JMJD1C: variants seen among roughly 807,000 people sequenced by gnomAD.
JMJD1C encodes the protein jumonji domain containing 1C.
JMJD1C carries 31 observed loss-of-function variants against 245.3 expected under a neutral mutation model. That is an observed-to-expected ratio of 0.13 (90% CI 0.09 to 0.17). The LOEUF (loss-of-function observed/expected upper bound fraction) is 0.17, where lower values mean the gene tolerates loss of function less well. Ranked by LOEUF, JMJD1C falls within the 10% of genes least tolerant of loss-of-function variation. The probability of loss-of-function intolerance (pLI) is 1.00; values close to 1 mark genes in which losing one functional copy is unlikely to be tolerated. For synonymous variants in JMJD1C, 1,057 were observed against 1,017.4 expected (o/e 1.04, Z -0.74); for missense variants, 2,691 against 3,000.2 (o/e 0.90, Z 2.41).
intron 1 of JMJD1C, among the ~76,000 whole-genome samples, chr10:63,403,945 C>A (rs1177294540): frequency 6.7e-6 from 1 of 148,480 alleles, no homozygotes; most frequent in South Asian, 2.1e-4. Context: ...TCAAAAAAAA[C>A]AACAACAAAA....
chr10:63,448,216 G>T (rs968365452), intron 1 of JMJD1C, among the ~76,000 whole-genome samples: 1 of 152,128 alleles, frequency 6.6e-6, no homozygotes, highest in African/African-American at 2.4e-5. Flanking sequence ...GAGTGTAGCG[G>T]TACAATCTCC....
chr10:63,443,237 C>T (rs1202743267), intron 1 of JMJD1C, among the ~76,000 whole-genome samples: 2 of 152,246 alleles, frequency 1.3e-5, no homozygotes, highest in Non-Finnish European at 2.9e-5. Context: ...CCAGCTTCCA[C>T]ACCCTCTCTC....
intron 3 of JMJD1C, among the ~76,000 whole-genome samples, chr10:63,243,022 T>A (rs2133527485): frequency 6.6e-6 from 1 of 150,408 alleles, no homozygotes; most frequent in South Asian, 2.1e-4. Flanking sequence ...AGATGGACTG[T>A]TGTTCTATTG....
chr10:63,458,192 T>C (rs1277051657), intron 1 of JMJD1C, among the ~76,000 whole-genome samples: 2 of 152,248 alleles, frequency 1.3e-5, no homozygotes, highest in South Asian at 2.1e-4. Flanking sequence ...TTATATCTAA[T>C]AAAAGTGTGA....
chr10:63,297,617 T>C (rs1194615061), intron 2 of JMJD1C, among the ~76,000 whole-genome samples: 1 of 152,042 alleles, frequency 6.6e-6, no homozygotes, highest in Admixed American at 6.6e-5. Flanking sequence ...TGAAGAGTGG[T>C]GAACTTTCTG....
chr10:63,175,822 G>GT (rs1842818458), intron 24 of JMJD1C, among the ~76,000 whole-genome samples: 1 of 151,814 alleles, frequency 6.6e-6, no homozygotes, highest in Non-Finnish European at 1.5e-5. Flanking sequence ...GAAAAATTAG[G>GT]TATTTTAAAC....
intron 5 of JMJD1C, among the ~76,000 whole-genome samples, 196 bp from the exon 6 acceptor site, chr10:63,215,892 C>A (rs979423337): frequency 6.6e-6 from 1 of 152,170 alleles, no homozygotes; most frequent in African/African-American, 2.4e-5. Flanking sequence ...ACCATTTCAA[C>A]TGCTAACCAA....
rs1442034186 is a variant in JMJD1C, at chr10:63,424,423, A to G, written c.168+41072T>C. Among the ~76,000 whole-genome samples, 7 of 151,422 alleles carry G rather than the reference A, an allele frequency of 4.6e-5. 1 individual carries two copies. The East Asian group carries it at 7.8e-4, about 17-fold the overall frequency. On this transcript the variant is annotated intron_variant, in intron 1 of 25. Transcript: ENST00000399262. Reference sequence around the variant, plus strand: ...TTCTTCATATAAAACTATTGTTTATATGGAAAAATCAGTGTTGTTTTAAAG... The same window carrying G: ...TTCTTCATATAAAACTATTGTTTATGTGGAAAAATCAGTGTTGTTTTAAAG...
At chr10:63,476,072 T>C (rs1391524788) in intron 1 of JMJD1C, among the ~76,000 whole-genome samples, 1 of 151,740 alleles carries the variant, frequency 6.6e-6, no homozygotes, top group Non-Finnish European at 1.5e-5. Context: ...TAGCCAGGCA[T>C]GGTGGCAGGT....
intron 3 of JMJD1C, among the ~76,000 whole-genome samples, chr10:63,263,065 C>G (rs1194540607): frequency 2.0e-5 from 3 of 152,136 alleles, no homozygotes; most frequent in Non-Finnish European, 4.4e-5. Flanking sequence ...CTCTAACTCC[C>G]TCTAACTGAC....
chr10:63,329,786 C>T (rs1296297745), intron 2 of JMJD1C, among the ~76,000 whole-genome samples: 1 of 152,204 alleles, frequency 6.6e-6, no homozygotes. Flanking sequence ...AGCAGTAAGC[C>T]ACAGCTCCCC....
At chr10:63,305,521 CTCT>C (rs1938034613) in intron 2 of JMJD1C, among the ~76,000 whole-genome samples, 1 of 150,582 alleles carries the variant, frequency 6.6e-6, no homozygotes, top group Non-Finnish European at 1.5e-5. Context: ...CCCTCTCTCT[CTCT>C]CTCTCTGGAG....
intron 2 of JMJD1C, among the ~76,000 whole-genome samples, chr10:63,349,761 A>G (rs943765868): frequency 2.0e-5 from 3 of 152,310 alleles, no homozygotes; most frequent in African/African-American, 7.2e-5. Context: ...AAAAACACCT[A>G]GTATTTTCCA....
chr10:63,282,286 G>A (rs994272416), intron 2 of JMJD1C, among the ~76,000 whole-genome samples: 9 of 152,114 alleles, frequency 5.9e-5, no homozygotes, highest in African/African-American at 1.9e-4. Context: ...TATATGATAC[G>A]ATGCAGTATC....
chr10:63,222,223 G>A (rs1420753990), intron 3 of JMJD1C: 8 of 770,918 alleles, frequency 1.0e-5, no homozygotes, highest in African/African-American at 1.7e-5. Flanking sequence ...GAATTTATAG[G>A]GGGGTTCAAA....
chr10:63,381,926 T>C (rs1589632189), intron 1 of JMJD1C, among the ~76,000 whole-genome samples: 1 of 152,106 alleles, frequency 6.6e-6, no homozygotes, highest in Non-Finnish European at 1.5e-5. Flanking sequence ...AAAGAGTAAA[T>C]AGTAGCCATA....
At chr10:63,307,910 G>A (rs1461409132) in intron 2 of JMJD1C, among the ~76,000 whole-genome samples, 1 of 152,094 alleles carries the variant, frequency 6.6e-6, no homozygotes, top group Non-Finnish European at 1.5e-5. Context: ...AGCACTTCGG[G>A]AAGCTGAGGC....
chr10:63,466,023 T>G, upstream of JMJD1C: 1 of 228,880 alleles, frequency 4.4e-6, no homozygotes, highest in Non-Finnish European at 8.6e-6. Context: ...GCGCGTCTCC[T>G]TCCGCCGGCG....
In JMJD1C at chr10:63,213,981, A is replaced by C; in HGVS notation, c.2186T>G (p.Ile729Ser). Residue 729 changes from isoleucine (I) to serine (S), a missense_variant, in exon 8 of 26, where the codon ATT (isoleucine) becomes AGT (serine). Transcript: ENST00000399262. ...LIGSETGANH[I>S]SPFLSQHPFP... ...AGGATGCTGGCTTAGGAAAGGTGAA[A>C]TATGATTAGCTCCTGTTTCTGACCC... 1.9e-6 allele frequency: 3 copies of C among 1,614,186 alleles called. No individual in the cohort carries two copies. The highest frequency in any genetic ancestry group is 2.5e-6 in the Non-Finnish European group (3 of 1,180,014).
Sources: gnomAD v4.1 joint callset for allele counts (sites outside exome capture counted in the v4.1 genomes callset) on GRCh38, gnomAD v4.1.1 for gene constraint, MANE v1.5 for transcripts, NCBI Gene and HGNC (gene_info 2026-07-23, HGNC 2026-07-21) for gene names.